EPB41: variants seen among roughly 807,000 people sequenced by gnomAD.
The protein encoded by EPB41 is erythrocyte membrane protein band 4.1, also known as protein 4.1.
EPB41 carries 65 observed loss-of-function variants against 108.0 expected under a neutral mutation model. The observed-to-expected ratio is 0.60, with a 90% CI of 0.49 to 0.74. The LOEUF is 0.74. Ranked by LOEUF, EPB41 falls within the 30% of genes least tolerant of loss-of-function variation. EPB41 has a pLI of 0.00. For missense variants in EPB41, 875 were observed against 1,037.0 expected (o/e 0.84, Z 2.15); for synonymous variants, 336 against 358.9 (o/e 0.94, Z 0.72).
At chr1:29,083,053 CA>C (rs1452953721) in intron 16 of EPB41, among the ~76,000 whole-genome samples, 2 of 151,958 alleles carry the variant, frequency 1.3e-5, no homozygotes, top group East Asian at 3.9e-4. Context: ...AGATTTTATA[CA>C]AATGTAATCT....
chr1:28,923,515 C>G (rs1168666371), intron 1 of EPB41, among the ~76,000 whole-genome samples: 3 of 152,244 alleles, frequency 2.0e-5, no homozygotes, highest in East Asian at 3.9e-4. Flanking sequence ...GCCATTCCGT[C>G]TCCTAAAGAT....
At chr1:28,938,824 C>G (rs1357867834) in intron 1 of EPB41, among the ~76,000 whole-genome samples, 1 of 152,098 alleles carries the variant, frequency 6.6e-6, no homozygotes, top group Non-Finnish European at 1.5e-5. Context: ...GAATGTTGAT[C>G]TTGTATCCTG....
At chr1:29,044,334 A>T (rs1251631795) in intron 11 of EPB41, among the ~76,000 whole-genome samples, 1 of 152,250 alleles carries the variant, frequency 6.6e-6, no homozygotes, top group Non-Finnish European at 1.5e-5. Context: ...TCATGGTTAT[A>T]TAGATACTAT....
intron 3 of EPB41, 110 bp downstream of exon 3, chr1:28,993,652 TTTTTC>T (rs2096077374): frequency 2.2e-6 from 2 of 905,832 alleles, no homozygotes; most frequent in South Asian, 1.6e-5. Context: ...GATTATTTCT[TTTTTC>T]TTTTTTTTTT....
chr1:29,003,159 C>A (rs1232004781), intron 4 of EPB41, among the ~76,000 whole-genome samples: 1 of 152,188 alleles, frequency 6.6e-6, no homozygotes, highest in Non-Finnish European at 1.5e-5. Flanking sequence ...CTAGATAAGA[C>A]CTTCTCTAGA....
rs149349925 is a variant in EPB41, at chr1:29,088,389, G to A, written c.2185-9418G>A. Among the ~76,000 whole-genome samples the A allele has an allele frequency of 4.5e-3, 689 of 152,130 alleles. 4 individuals carry two copies. Among genetic ancestry groups the A allele is most frequent in the African/African-American group, 0.016 (652 of 41,506 alleles). On this transcript the variant is annotated intron_variant, in intron 16 of 20. Coordinates refer to ENST00000343067, the MANE Select transcript of EPB41 (RefSeq NM_001376013.1). ...AGATTCCCCATCAGTTCAGGTAAGC[G>A]ACATCTAGATTAACACCTTTGAATC...
intron 6 of EPB41, among the ~76,000 whole-genome samples, chr1:29,017,993 A>G (rs1035096348): frequency 6.6e-6 from 1 of 151,818 alleles, no homozygotes; most frequent in Non-Finnish European, 1.5e-5. Context: ...TTAAGTTTTA[A>G]TATGTAAAAA....
rs1367654294 is a variant in EPB41, at chr1:29,118,971, G to A, written c.*2159G>A. On this transcript the variant is annotated 3_prime_UTR_variant, in exon 21 of 21. Transcript: ENST00000343067. ...GAACGAAGAGGATGGGGAAAAGGCAGAGGGCACTGAGTGTCCCTTTAAAAA... is the reference window on the plus strand; with the variant it reads ...GAACGAAGAGGATGGGGAAAAGGCAAAGGGCACTGAGTGTCCCTTTAAAAA... 1.3e-5 allele frequency: 2 copies of A among 152,342 alleles called. No homozygotes were observed. The highest frequency in any genetic ancestry group is 2.1e-4 in the South Asian group (1 of 4,836). 9.4% of individuals were successfully genotyped at this position (152,342 alleles called of 1,614,324 possible).
chr1:29,104,278 A>G (rs1285821287), intron 17 of EPB41, among the ~76,000 whole-genome samples: 1 of 152,188 alleles, frequency 6.6e-6, no homozygotes, highest in Non-Finnish European at 1.5e-5. Flanking sequence ...TGCTTTTATT[A>G]TCTTGCTGGA....
chr1:28,889,462 A>G (rs2089852702), intron 1 of EPB41, among the ~76,000 whole-genome samples: 1 of 152,200 alleles, frequency 6.6e-6, no homozygotes, highest in African/African-American at 2.4e-5. Flanking sequence ...TCCAGGTGCC[A>G]ACAGAAGCTC....
At chr1:29,104,991 G>A (rs1666666845) in intron 17 of EPB41, among the ~76,000 whole-genome samples, 1 of 152,020 alleles carries the variant, frequency 6.6e-6, no homozygotes. Flanking sequence ...CCAAAGTGCT[G>A]GTATTACAGA....
At chr1:28,949,442 A>G (rs959853803) in intron 1 of EPB41, among the ~76,000 whole-genome samples, 7 of 152,152 alleles carry the variant, frequency 4.6e-5, no homozygotes, top group Non-Finnish European at 1.0e-4. Context: ...CCTGTCTCAA[A>G]AAAAACTTAC....
At chr1:28,921,946 A>G (rs1258969986) in intron 1 of EPB41, among the ~76,000 whole-genome samples, 3 of 119,740 alleles carry the variant, frequency 2.5e-5, no homozygotes, top group Middle Eastern at 4.2e-3. Flanking sequence ...TTTTATATAT[A>G]TATATATATA....
At chr1:29,070,553 C>A in intron 16 of EPB41, 1 of 1,232,102 alleles carries the variant, frequency 8.1e-7, no homozygotes, top group Non-Finnish European at 1.0e-6. Context: ...TCCTCGTATT[C>A]CTTTCATGAT....
intron 1 of EPB41, among the ~76,000 whole-genome samples, chr1:28,958,408 A>G (rs2095049214): frequency 6.6e-6 from 1 of 151,802 alleles, no homozygotes; most frequent in Admixed American, 6.6e-5. Context: ...AGATTGCACC[A>G]CTGCACTCCA....
At chr1:29,105,269 T>C (rs1666747017) in intron 17 of EPB41, among the ~76,000 whole-genome samples, 1 of 152,150 alleles carries the variant, frequency 6.6e-6, no homozygotes, top group Admixed American at 6.6e-5. Flanking sequence ...AGTCTCACTC[T>C]TGTCATCCAG....
At chr1:28,985,909 C>T (rs927914860) in intron 1 of EPB41, 23 of 151,196 alleles carry the variant, frequency 1.5e-4, no homozygotes, top group Admixed American at 2.6e-4. Context: ...ATACATGTGC[C>T]ATGCTGGTGC....
chr1:28,971,180 CTTTTTTTTTTT>C (rs1000130058), intron 1 of EPB41, among the ~76,000 whole-genome samples: 7 of 66,330 alleles, frequency 1.1e-4, no homozygotes, highest in African/African-American at 3.3e-4. Context: ...TTCTTTCTTT[CTTTTTTTTTTT>C]TTTTTTTTTT....
chr1:28,921,975 G>GT (rs61105878), intron 1 of EPB41, among the ~76,000 whole-genome samples: 61,731 of 101,482 alleles, frequency 0.61, 19,102 homozygotes, highest in East Asian at 0.89. Flanking sequence ...CTTTTTTTTT[G>GT]TTTTTTTTTT....
Sources: gnomAD v4.1 joint callset for allele counts (sites outside exome capture counted in the v4.1 genomes callset) on GRCh38, gnomAD v4.1.1 for gene constraint, MANE v1.5 for transcripts, NCBI Gene and HGNC (gene_info 2026-07-23, HGNC 2026-07-21) for gene names.